The following PCDH11X variants were observed in gnomAD, a reference collection of about 807,000 sequenced individuals.
The protein encoded by PCDH11X is protocadherin-11 X-linked.
Under a neutral mutation model 53.3 loss-of-function variants are expected in PCDH11X, and 18 were observed. That is an observed-to-expected ratio of 0.34 (90% CI 0.23 to 0.50). PCDH11X has a LOEUF of 0.50. Ranked by LOEUF, PCDH11X falls within the 20% of genes least tolerant of loss-of-function variation. The pLI is 0.98. For synonymous variants in PCDH11X, 279 were observed against 393.3 expected, an observed-to-expected ratio of 0.71 and a Z score of 3.44; for missense variants, 570 against 1,032.4, an observed-to-expected ratio of 0.55 and a Z score of 6.14.
chrX:92,466,155 T>A (rs920606127), intron 9 of PCDH11X, among the ~76,000 whole-genome samples: 1 of 111,201 alleles, frequency 9.0e-6, no homozygotes. Flanking sequence ...TTAGTCATAT[T>A]ATATACCTCG....
chrX:92,279,090 C>T (rs1416136356), intron 8 of PCDH11X, among the ~76,000 whole-genome samples: 7 of 111,768 alleles, frequency 6.3e-5, no homozygotes, highest in Non-Finnish European at 9.4e-5. Flanking sequence ...GGATTACAGG[C>T]GTAAGCCACC....
intron 9 of PCDH11X, among the ~76,000 whole-genome samples, chrX:92,438,273 A>G (rs1172020990): frequency 8.9e-6 from 1 of 111,805 alleles, no homozygotes; most frequent in Non-Finnish European, 1.9e-5. Flanking sequence ...GTATTTTAGT[A>G]AACATAAGAC....
rs1259894006 is a variant in PCDH11X at position 92,295,115 on chromosome X, C to T, written c.3144+31972C>T. Among the ~76,000 whole-genome samples, 4 of 103,625 alleles carry T rather than the reference C, an allele frequency of 3.9e-5. No homozygotes were observed. In the East Asian group the frequency reaches 1.2e-3, roughly 32 times the overall value. 90.0% of individuals were successfully genotyped at this position (103,625 alleles called of 115,157 possible). Reference sequence around the variant, plus strand: ...AAACCAAAAGTATTGAGAAAATCATCGTGAATAGTAACTTAAATTTTGCAA... The same window carrying T: ...AAACCAAAAGTATTGAGAAAATCATTGTGAATAGTAACTTAAATTTTGCAA... On this transcript the variant is annotated intron_variant, in intron 8 of 10. Transcript: ENST00000682573.
chrX:92,244,066 A>G (rs999522177), intron 7 of PCDH11X, among the ~76,000 whole-genome samples: 1 of 110,285 alleles, frequency 9.1e-6, no homozygotes, highest in African/African-American at 3.3e-5. Context: ...ATGAGCCACA[A>G]TTAGAATGAA....
intron 6 of PCDH11X, among the ~76,000 whole-genome samples, chrX:92,200,026 A>T (rs58397276): frequency 0.058 from 6,226 of 107,917 alleles, 265 homozygotes; most frequent in East Asian, 0.19. Flanking sequence ...TTGGTTTTTT[A>T]AAAAAAAAAG....
intron 6 of PCDH11X, among the ~76,000 whole-genome samples, chrX:92,172,966 G>C (rs896856564): frequency 4.5e-5 from 5 of 111,472 alleles, no homozygotes; most frequent in Non-Finnish European, 7.5e-5. Flanking sequence ...TTTTTCTAAG[G>C]TGTTTTTTCA....
intron 6 of PCDH11X, among the ~76,000 whole-genome samples, chrX:92,045,892 C>T (rs2476054): frequency 0.36 from 37,951 of 105,432 alleles, 7,560 homozygotes; most frequent in East Asian, 0.82. Context: ...TGAGCCAAGA[C>T]TGTGCCACTG....
chrX:92,054,792 C>T (rs2063420460), intron 6 of PCDH11X, among the ~76,000 whole-genome samples: 1 of 93,352 alleles, frequency 1.1e-5, no homozygotes, highest in Non-Finnish European at 2.0e-5. Context: ...TGCACTCCAG[C>T]CTGGGCAACA....
chrX:92,432,499 T>A, intron 9 of PCDH11X, among the ~76,000 whole-genome samples: 1 of 110,691 alleles, frequency 9.0e-6, no homozygotes, highest in Admixed American at 9.7e-5. Context: ...TGGCTCAAAA[T>A]GCCTTCTTTA....
At chrX:91,907,412 C>CACACACAGAGAGAGAGAG (rs756926383) in intron 6 of PCDH11X, among the ~76,000 whole-genome samples, 4 of 57,466 alleles carry the variant, frequency 7.0e-5, no homozygotes, top group East Asian at 6.0e-4. Flanking sequence ...CACACACACA[C>CACACACAGAGAGAGAGAG]AGAGAGAGAG....
At chrX:92,559,419 C>T (rs1221552987) in intron 10 of PCDH11X, among the ~76,000 whole-genome samples, 2 of 99,658 alleles carry the variant, frequency 2.0e-5, no homozygotes, top group African/African-American at 7.4e-5. Context: ...AAAAGGAATA[C>T]CAAATTTTAA....
rs752292503 is a variant in PCDH11X at position 91,864,164 on chromosome X, C to T, written c.541-12617C>T. Reference sequence around the variant, plus strand: ...GTTTGAAGTACTCCCTTTAGCATTTCTTGTAGGGCAGATCTCGTGTTGATG... The same window carrying T: ...GTTTGAAGTACTCCCTTTAGCATTTTTTGTAGGGCAGATCTCGTGTTGATG... On this transcript the variant is annotated intron_variant, in intron 5 of 10. Transcript: ENST00000682573. Among the ~76,000 whole-genome samples the T allele has an allele frequency of 2.7e-5, 3 of 111,400 alleles. No individual in the cohort carries two copies. The South Asian group carries it at 1.1e-3, about 42-fold the overall frequency.
intron 6 of PCDH11X, among the ~76,000 whole-genome samples, chrX:92,140,499 T>A (rs2065161049): frequency 9.0e-6 from 1 of 111,713 alleles, no homozygotes; most frequent in Admixed American, 9.6e-5. Flanking sequence ...TTGAGAACAG[T>A]ACATAAAATA....
chrX:92,041,970 A>G (rs2063216658), intron 6 of PCDH11X, among the ~76,000 whole-genome samples: 1 of 112,230 alleles, frequency 8.9e-6, no homozygotes, highest in African/African-American at 3.2e-5. Flanking sequence ...CTCCGTCTCA[A>G]AAAAACAAAA....
intron 10 of PCDH11X, among the ~76,000 whole-genome samples, chrX:92,574,967 G>A (rs185651503): frequency 0.015 from 1,648 of 110,201 alleles, 16 homozygotes; most frequent in Admixed American, 0.033. Context: ...TCAAACATAC[G>A]GTAATGCTAT....
intron 8 of PCDH11X, among the ~76,000 whole-genome samples, chrX:92,363,005 G>T (rs183549302): frequency 1.8e-5 from 2 of 109,421 alleles, no homozygotes; most frequent in Non-Finnish European, 3.8e-5. Flanking sequence ...ATTTTTTTTG[G>T]TCTATTTATC....
chrX:91,798,762 T>C (rs1478556726), intron 1 of PCDH11X, among the ~76,000 whole-genome samples: 2 of 111,145 alleles, frequency 1.8e-5, no homozygotes, highest in Admixed American at 1.9e-4. Context: ...ACTTTGTTAC[T>C]TGAAAATTCT....
intron 8 of PCDH11X, among the ~76,000 whole-genome samples, chrX:92,283,987 T>A (rs944532752): frequency 2.7e-5 from 3 of 110,349 alleles, no homozygotes; most frequent in Non-Finnish European, 5.7e-5. Context: ...TATCCAGGTT[T>A]CTTTTAGCAT....
rs189928376 is a variant in PCDH11X, at chrX:92,112,304, A to C, written c.3034-89071A>C. The stretch of plus-strand genomic sequence containing the variant: ...TAGATTTGAGAGAGGCTTGGCAAAC[A>C]GTATCTGGGATAGGGTGATGTTCTG... On this transcript the variant is annotated intron_variant, in intron 6 of 10. Coordinates refer to ENST00000682573, the MANE Select transcript of PCDH11X (RefSeq NM_032968.5). Among the ~76,000 whole-genome samples the C allele has an allele frequency of 5.4e-3, 549 of 102,029 alleles. 4 individuals carry two copies. The highest frequency in any genetic ancestry group is 0.019 in the African/African-American group (516 of 27,182). The allele number at this position is 102,029 out of a possible 115,157, so 88.6% of individuals were successfully genotyped here. A position where few individuals can be genotyped will look rare whatever the true frequency, so the allele number is the denominator to read the frequency against.
Sources: allele counts gnomAD v4.1 joint callset (sites outside exome capture counted in the v4.1 genomes callset), GRCh38; gene constraint gnomAD v4.1.1; transcripts MANE v1.5; gene names NCBI Gene and HGNC (gene_info 2026-07-23, HGNC 2026-07-21).